Variants in INVS observed in about 807,000 individuals in gnomAD.
INVS encodes the protein inversion of embryo turning homolog.
Under a neutral mutation model 108.8 loss-of-function variants are expected in INVS, and 86 were observed. The ratio of observed to expected loss-of-function variants is 0.79; its 90% CI spans 0.66 to 0.95. INVS has a LOEUF of 0.95. Among genes scored for constraint, INVS ranks in the 40% least tolerant of loss-of-function variants. INVS has a pLI of 0.00. For missense variants in INVS, 1,169 were observed against 1,297.4 expected (o/e 0.90, Z 1.52); for synonymous variants, 455 against 473.5 (o/e 0.96, Z 0.51).
At chr9:100,149,385 G>T (rs10819727) in intron 3 of INVS, among the ~76,000 whole-genome samples, 31,981 of 152,098 alleles carry the variant, frequency 0.21, 5,716 homozygotes, top group African/African-American at 0.49. Context: ...CCTCTGGATT[G>T]AGATGGTGAT....
At chr9:100,166,092 C>T (rs895275299) in intron 3 of INVS, among the ~76,000 whole-genome samples, 1 of 152,108 alleles carries the variant, frequency 6.6e-6, no homozygotes, top group Non-Finnish European at 1.5e-5. Context: ...TCCTTTTGCT[C>T]ACCCAGTCAA....
chr9:100,286,140 G>A (rs949585109), intron 13 of INVS, among the ~76,000 whole-genome samples: 1 of 152,156 alleles, frequency 6.6e-6, no homozygotes, highest in Non-Finnish European at 1.5e-5. Context: ...GGTAGCTATG[G>A]ATAGAAATAA....
chr9:100,106,769 A>C (rs895321066), intron 2 of INVS, among the ~76,000 whole-genome samples: 1 of 152,194 alleles, frequency 6.6e-6, no homozygotes, highest in Non-Finnish European at 1.5e-5. Context: ...TACGTTCATT[A>C]TAGTCATAGC....
chr9:100,136,935 GAGGCTGAGGCA>G (rs1232548534), intron 3 of INVS, among the ~76,000 whole-genome samples: 1 of 152,146 alleles, frequency 6.6e-6, no homozygotes, highest in Non-Finnish European at 1.5e-5. Flanking sequence ...AGCTGTGCGG[GAGGCTGAGGCA>G]GGAGAATCAC....
At chr9:100,293,065 G>C (rs752924345) in intron 14 of INVS, 22 bp downstream of exon 14, 1 of 1,583,324 alleles carries the variant, frequency 6.3e-7, no homozygotes, top group East Asian at 2.2e-5. Flanking sequence ...GGGTGCTGCC[G>C]CATCTGTGGT....
intron 3 of INVS, among the ~76,000 whole-genome samples, chr9:100,187,354 A>G (rs1017116316): frequency 6.6e-6 from 1 of 151,892 alleles, no homozygotes; most frequent in Non-Finnish European, 1.5e-5. Context: ...TTTTGGTTCT[A>G]TATGAATTTT....
At chr9:100,165,194 A>G (rs140755243) in intron 3 of INVS, among the ~76,000 whole-genome samples, 35 of 152,116 alleles carry the variant, frequency 2.3e-4, no homozygotes, top group Non-Finnish European at 3.5e-4. Flanking sequence ...TGTCATAGTC[A>G]TATCAGGGTA....
intron 2 of INVS, among the ~76,000 whole-genome samples, chr9:100,105,313 C>T (rs1200246369): frequency 6.6e-6 from 1 of 152,202 alleles, no homozygotes; most frequent in Non-Finnish European, 1.5e-5. Flanking sequence ...AACTTTCATA[C>T]CTGTTCCTTC....
At chr9:100,215,356 A>G (rs1680110911) in intron 3 of INVS, 1 of 152,236 alleles carries the variant, frequency 6.6e-6, no homozygotes, top group Non-Finnish European at 1.5e-5. Context: ...TTTTCAAAAC[A>G]GATGTATATA....
intron 6 of INVS, among the ~76,000 whole-genome samples, chr9:100,240,770 A>G (rs1196504866): frequency 2.0e-5 from 3 of 152,094 alleles, no homozygotes; most frequent in Non-Finnish European, 1.5e-5. Context: ...TCATTGTTAT[A>G]AGATAAATAA....
At chr9:100,247,390 T>G (rs1832079098) in intron 8 of INVS, among the ~76,000 whole-genome samples, 1 of 152,212 alleles carries the variant, frequency 6.6e-6, no homozygotes, top group South Asian at 2.1e-4. Flanking sequence ...ATGTGTTGGT[T>G]AATGAAAGGT....
At chr9:100,157,726 C>A (rs1829046365) in intron 3 of INVS, among the ~76,000 whole-genome samples, 1 of 152,164 alleles carries the variant, frequency 6.6e-6, no homozygotes, top group African/African-American at 2.4e-5. Context: ...GACTTTCCTG[C>A]CACCCTTCAA....
chr9:100,206,757 T>C (rs982518263), intron 3 of INVS, among the ~76,000 whole-genome samples: 27 of 152,130 alleles, frequency 1.8e-4, no homozygotes, highest in African/African-American at 5.5e-4. Context: ...AAATCCAGGA[T>C]CAGGCACTCC....
chr9:100,185,266 A>AT (rs1467159383), intron 3 of INVS, among the ~76,000 whole-genome samples: 1 of 151,926 alleles, frequency 6.6e-6, no homozygotes, highest in Non-Finnish European at 1.5e-5. Context: ...TGTACAGAAA[A>AT]ATATACAATT....
chr9:100,158,781 T>C (rs1829081739), intron 3 of INVS, among the ~76,000 whole-genome samples: 1 of 152,216 alleles, frequency 6.6e-6, no homozygotes, highest in Admixed American at 6.5e-5. Context: ...CCCCAGTGGT[T>C]GGAAGAGGGG....
intron 3 of INVS, among the ~76,000 whole-genome samples, chr9:100,203,108 T>C (rs1381078828): frequency 1.3e-5 from 2 of 152,198 alleles, no homozygotes; most frequent in Non-Finnish European, 2.9e-5. Flanking sequence ...AAGCATAAAG[T>C]CCAACATACA....
intron 10 of INVS, among the ~76,000 whole-genome samples, chr9:100,253,378 C>T (rs1375686736): frequency 6.6e-6 from 1 of 151,466 alleles, no homozygotes; most frequent in Non-Finnish European, 1.5e-5. Flanking sequence ...ACATGGCATA[C>T]ACATGTATGC....
rs1832291170 is a variant in INVS, at chr9:100,253,098, A to C, written c.1426A>C (p.Met476Leu). The C allele has an allele frequency of 6.2e-7, 1 of 1,613,742 alleles. No individual in the cohort carries two copies. The highest frequency in any genetic ancestry group is 8.5e-7 in the Non-Finnish European group (1 of 1,179,796). ...GGYINCMAVL[M>L]ENNADPNIQD... ...CTATATCAACTGCATGGCAGTTCTC[A>C]TGGAAAACAATGCAGACCCTAACAT... The change falls in exon 10 of 17, where the codon ATG becomes CTG. Residue 476 changes from methionine to leucine, a missense_variant. Physicochemically the swap from Met to Leu is conservative, Grantham distance 15 (BLOSUM62 2). Transcript: ENST00000262457.
intron 3 of INVS, among the ~76,000 whole-genome samples, chr9:100,154,237 C>T (rs986284572): frequency 6.6e-6 from 1 of 151,420 alleles, no homozygotes; most frequent in Non-Finnish European, 1.5e-5. Flanking sequence ...AATCATGGCT[C>T]ACTGCAATCT....
Sources: allele counts gnomAD v4.1 joint callset (sites outside exome capture counted in the v4.1 genomes callset), GRCh38; gene constraint gnomAD v4.1.1; transcripts MANE v1.5; gene names NCBI Gene and HGNC (gene_info 2026-07-23, HGNC 2026-07-21).